The following MAGI1 variants were observed in gnomAD, a reference collection of about 807,000 sequenced individuals.
MAGI1 encodes the protein membrane-associated guanylate kinase, WW and PDZ domain-containing protein 1.
A neutral mutation model predicts 139.9 loss-of-function variants in MAGI1; 58 were observed. The ratio of observed to expected loss-of-function variants is 0.41; its 90% confidence interval spans 0.34 to 0.52. MAGI1 has a LOEUF of 0.52. Among genes scored for constraint, MAGI1 ranks in the 20% least tolerant of loss-of-function variants. The probability of loss-of-function intolerance (pLI) is 0.12; values close to 1 mark genes in which losing one functional copy is unlikely to be tolerated. For synonymous variants in MAGI1, 812 were observed against 737.9 expected (o/e 1.10, Z -1.63); for missense variants, 1,874 against 1,901.6 (o/e 0.99, Z 0.27).
intron 4 of MAGI1, among the ~76,000 whole-genome samples, chr3:65,477,403 C>A (rs977148636): frequency 1.3e-5 from 2 of 152,204 alleles, no homozygotes; most frequent in African/African-American, 4.8e-5. Flanking sequence ...CAAACAATGA[C>A]CAAAGTATAA....
At chr3:65,427,833 C>T (rs188128830) in intron 12 of MAGI1, among the ~76,000 whole-genome samples, 247 of 152,270 alleles carry the variant, frequency 1.6e-3, no homozygotes, top group African/African-American at 5.4e-3. Flanking sequence ...CAGGTTTCAT[C>T]ATCACCATCA....
At chr3:65,598,167 C>T (rs2082313691) in intron 2 of MAGI1, among the ~76,000 whole-genome samples, 2 of 150,704 alleles carry the variant, frequency 1.3e-5, no homozygotes, top group Admixed American at 6.6e-5. Context: ...TCACAGAGCC[C>T]GGGCTCCTAG....
intron 1 of MAGI1, among the ~76,000 whole-genome samples, chr3:65,840,350 G>A (rs1201000370): frequency 1.3e-5 from 2 of 152,184 alleles, no homozygotes; most frequent in Admixed American, 6.5e-5. Context: ...GCCTTAGGCA[G>A]AAGGCATTCG....
intron 3 of MAGI1, 151 bp from the exon 4 acceptor site, chr3:65,478,949 AG>A: frequency 1.6e-6 from 1 of 644,538 alleles, no homozygotes; most frequent in Non-Finnish European, 2.7e-6. Flanking sequence ...GTGGGTTAGA[AG>A]AGATATCTTT....
intron 1 of MAGI1, among the ~76,000 whole-genome samples, chr3:65,897,422 A>C (rs1178068185): frequency 1.3e-5 from 2 of 151,910 alleles, no homozygotes; most frequent in Non-Finnish European, 2.9e-5. Context: ...CAACAACGAG[A>C]ACACTTGGAC....
intron 1 of MAGI1, among the ~76,000 whole-genome samples, chr3:66,018,081 C>A (rs2067749653): frequency 7.4e-6 from 1 of 134,554 alleles, no homozygotes; most frequent in African/African-American, 2.7e-5. Flanking sequence ...GAACACACAA[C>A]CAGGAGACAA....
intron 20 of MAGI1, among the ~76,000 whole-genome samples, chr3:65,363,857 G>T (rs758856775): frequency 6.6e-6 from 1 of 152,186 alleles, no homozygotes; most frequent in Non-Finnish European, 1.5e-5. Flanking sequence ...GTGAGGCTGT[G>T]ATTTGCATTT....
chr3:65,403,107 C>T (rs1945040990), intron 12 of MAGI1, among the ~76,000 whole-genome samples: 1 of 152,158 alleles, frequency 6.6e-6, no homozygotes, highest in African/African-American at 2.4e-5. Flanking sequence ...CTTTGGGGCC[C>T]TCTCTGTCTC....
chr3:65,846,754 A>G (rs924036368), intron 1 of MAGI1, among the ~76,000 whole-genome samples: 5 of 152,186 alleles, frequency 3.3e-5, no homozygotes, highest in Admixed American at 6.5e-5. Context: ...AGGAAATGGT[A>G]CAGCTAGAAC....
chr3:65,704,426 T>C (rs570499848), intron 1 of MAGI1, among the ~76,000 whole-genome samples: 144 of 152,272 alleles, frequency 9.5e-4, no homozygotes, highest in Non-Finnish European at 1.2e-4. Context: ...AGGCTGGCTG[T>C]CCTAGATTGC....
At chr3:65,650,203 C>T (rs1197984797) in intron 1 of MAGI1, among the ~76,000 whole-genome samples, 2 of 152,138 alleles carry the variant, frequency 1.3e-5, no homozygotes, top group African/African-American at 2.4e-5. Flanking sequence ...AGATGAAGGC[C>T]TCTTGACCCT....
At chr3:65,760,013 T>A (rs2036883696) in intron 1 of MAGI1, among the ~76,000 whole-genome samples, 1 of 152,150 alleles carries the variant, frequency 6.6e-6, no homozygotes, top group South Asian at 2.1e-4. Context: ...AAGTATTTCC[T>A]TCATGTAATA....
chr3:65,495,393 C>T (rs540861849), intron 2 of MAGI1, among the ~76,000 whole-genome samples: 68 of 152,044 alleles, frequency 4.5e-4, no homozygotes, highest in African/African-American at 1.5e-3. Context: ...AGAATCTTAC[C>T]GTTCAAATCC....
chr3:65,644,416 C>CAAAAA (rs750068803), intron 1 of MAGI1, among the ~76,000 whole-genome samples: 12,668 of 101,644 alleles, frequency 0.12, 657 homozygotes, highest in Non-Finnish European at 0.17. Flanking sequence ...AACCTCAGCC[C>CAAAAA]AAAAAAAAAA....
intron 2 of MAGI1, among the ~76,000 whole-genome samples, chr3:65,578,419 A>G (rs941649469): frequency 6.6e-6 from 1 of 152,222 alleles, no homozygotes; most frequent in Non-Finnish European, 1.5e-5. Context: ...TATAGAGAAG[A>G]TATCAGAAAA....
chr3:65,752,890 T>G (rs1032229508), intron 1 of MAGI1, among the ~76,000 whole-genome samples: 2 of 152,172 alleles, frequency 1.3e-5, no homozygotes, highest in Non-Finnish European at 2.9e-5. Flanking sequence ...CTTAGTCATT[T>G]TCCACCCACT....
intron 1 of MAGI1, among the ~76,000 whole-genome samples, chr3:65,689,020 C>A (rs567855608): frequency 2.6e-5 from 4 of 152,238 alleles, no homozygotes; most frequent in African/African-American, 9.6e-5. Flanking sequence ...GATTTTTGTG[C>A]CCCAAATTGT....
At chr3:65,387,187 T>A (rs2106947106) in intron 14 of MAGI1, 1 of 1,613,954 alleles carries the variant, frequency 6.2e-7, no homozygotes, top group Non-Finnish European at 8.5e-7. Context: ...TCTCTCTCTC[T>A]CACCCTTGCT....
intron 2 of MAGI1, among the ~76,000 whole-genome samples, chr3:65,510,269 AGTTCCTC>A (rs1327155978): frequency 1.3e-5 from 2 of 152,250 alleles, no homozygotes; most frequent in East Asian, 1.9e-4. Flanking sequence ...AAAGGAACGC[AGTTCCTC>A]ACCAGCAACG....
Sources: gnomAD v4.1 joint callset for allele counts (sites outside exome capture counted in the v4.1 genomes callset) on GRCh38, gnomAD v4.1.1 for gene constraint, MANE v1.5 for transcripts, NCBI Gene and HGNC (gene_info 2026-07-23, HGNC 2026-07-21) for gene names.